CDK6: variants seen among roughly 807,000 people sequenced by gnomAD.
CDK6 encodes cyclin-dependent kinase 6.
A neutral mutation model predicts 37.1 loss-of-function variants in CDK6; 6 were observed. The ratio of observed to expected loss-of-function variants is 0.16; its 90% CI spans 0.09 to 0.32. The LOEUF is 0.32. Ranked by LOEUF, CDK6 falls within the 10% of genes least tolerant of loss-of-function variation. CDK6 has a pLI of 1.00. For synonymous variants in CDK6, 160 were observed against 161.3 expected (o/e 0.99, Z 0.06); for missense variants, 224 against 418.9 (o/e 0.53, Z 4.06).
chr7:92,810,162 A>C (rs530113530), intron 2 of CDK6, among the ~76,000 whole-genome samples: 1 of 152,322 alleles, frequency 6.6e-6, no homozygotes, highest in East Asian at 1.9e-4. Context: ...TATATCATTT[A>C]CTATCTGTCA....
chr7:92,632,277 G>A (rs1284971929), intron 5 of CDK6, among the ~76,000 whole-genome samples: 1 of 152,158 alleles, frequency 6.6e-6, no homozygotes, highest in African/African-American at 2.4e-5. Context: ...GACATTTTCT[G>A]AAATGGAAGT....
At chr7:92,737,381 A>T (rs1214733524) in intron 3 of CDK6, among the ~76,000 whole-genome samples, 5 of 152,246 alleles carry the variant, frequency 3.3e-5, no homozygotes, top group African/African-American at 1.2e-4. Context: ...CTAGGTCCTT[A>T]GAAATTATCT....
At chr7:92,645,612 T>C (rs1796429528) in intron 5 of CDK6, among the ~76,000 whole-genome samples, 1 of 152,204 alleles carries the variant, frequency 6.6e-6, no homozygotes, top group Non-Finnish European at 1.5e-5. Context: ...AAAGAGGTCT[T>C]AGGGTGAGGA....
intron 5 of CDK6, among the ~76,000 whole-genome samples, chr7:92,628,044 C>T (rs963992843): frequency 3.3e-5 from 5 of 152,054 alleles, no homozygotes; most frequent in African/African-American, 1.2e-4. Context: ...AAGTACTTGT[C>T]TGGAGACATG....
In CDK6 at chr7:92,833,735, G is replaced by A. The variant is rs182827185; in HGVS notation, c.-367-45C>T. 454 of 418,244 alleles carry A rather than the reference G, an allele frequency of 1.1e-3. 3 individuals carry two copies. The highest frequency in any genetic ancestry group is 8.8e-3 in the African/African-American group (428 of 48,840). The allele number at this position is 418,244 out of a possible 1,614,324, so 25.9% of individuals were successfully genotyped here. A position where few individuals can be genotyped will look rare whatever the true frequency, so the allele number is the denominator to read the frequency against. ...GATAAGAAGAAAGTGCAATCAGACA[G>A]CCCAGAAGCCTTCCTCGGGGTTCCT... On this transcript the variant is annotated intron_variant, in intron 1 of 7. Coordinates refer to ENST00000424848, the MANE Select transcript of CDK6 (RefSeq NM_001145306.2). This position sits in a 1 kb window ranked among gnomAD's most constrained non-coding sequence, Gnocchi z 6.1.
At chr7:92,644,828 C>T (rs992969741) in intron 5 of CDK6, among the ~76,000 whole-genome samples, 2 of 152,206 alleles carry the variant, frequency 1.3e-5, no homozygotes, top group Non-Finnish European at 2.9e-5. Flanking sequence ...AGTGGAACTC[C>T]ACAACAACTG....
intron 2 of CDK6, among the ~76,000 whole-genome samples, chr7:92,823,820 C>A (rs1323971226): frequency 6.6e-6 from 1 of 151,878 alleles, no homozygotes; most frequent in East Asian, 1.9e-4. Context: ...GCAAAGATGT[C>A]TTTTTTCAGA....
chr7:92,806,586 C>T (rs1474442464), intron 2 of CDK6, among the ~76,000 whole-genome samples: 3 of 152,306 alleles, frequency 2.0e-5, no homozygotes, highest in Admixed American at 6.5e-5. Context: ...CTTACCTATA[C>T]ATTTAAAGCA....
intron 4 of CDK6, among the ~76,000 whole-genome samples, chr7:92,696,469 C>CATATACAAAAA (rs1797721573): frequency 1.3e-5 from 2 of 151,942 alleles, no homozygotes; most frequent in African/African-American, 4.8e-5. Context: ...AAAATCTTAC[C>CATATACAAAAA]ATATATGTGT....
intron 2 of CDK6, among the ~76,000 whole-genome samples, chr7:92,828,367 G>A (rs974884685): frequency 7.2e-5 from 11 of 151,972 alleles, no homozygotes; most frequent in Non-Finnish European, 1.2e-4. Context: ...GTACTCACCC[G>A]ATTTAACTGC....
intron 4 of CDK6, among the ~76,000 whole-genome samples, chr7:92,702,764 A>G (rs1381348046): frequency 6.6e-6 from 1 of 152,192 alleles, no homozygotes; most frequent in Non-Finnish European, 1.5e-5. Context: ...CAGGTAAGTC[A>G]GCACAGTGCT....
chr7:92,681,470 A>C (rs1040961303), intron 4 of CDK6, among the ~76,000 whole-genome samples: 4 of 152,170 alleles, frequency 2.6e-5, no homozygotes, highest in Non-Finnish European at 4.4e-5. Context: ...CCTCTCCCCC[A>C]TTTTATCTAT....
chr7:92,770,317 T>C (rs1584070852), intron 3 of CDK6, among the ~76,000 whole-genome samples: 2 of 148,616 alleles, frequency 1.3e-5, no homozygotes, highest in African/African-American at 5.0e-5. Context: ...TTTCTATGTA[T>C]GCTTTTTTTT....
chr7:92,703,450 C>T lies in CDK6; in HGVS notation c.537+22176G>A, dbSNP rs1266841735. Among the ~76,000 whole-genome samples the T allele has an allele frequency of 5.9e-5, 9 of 152,306 alleles. No homozygotes were observed. In the East Asian group the frequency reaches 1.5e-3, roughly 26 times the overall value. ...TGATATGACATGTTTCATACACATA[C>T]TGCAAATCTCAAGATAGGTAAAAAT... On this transcript the variant is annotated intron_variant, in intron 4 of 7. Transcript: ENST00000424848.
intron 2 of CDK6, among the ~76,000 whole-genome samples, chr7:92,794,178 T>C (rs1311179680): frequency 2.6e-5 from 4 of 152,154 alleles, no homozygotes; most frequent in African/African-American, 7.2e-5. Context: ...GCAGAAGAAA[T>C]AGCTAACACT....
intron 5 of CDK6, among the ~76,000 whole-genome samples, chr7:92,632,497 G>A (rs754842082): frequency 2.6e-5 from 4 of 152,032 alleles, no homozygotes; most frequent in Non-Finnish European, 5.9e-5. Context: ...ATAAATAAGG[G>A]CTCTGGCCCT....
Position 92,612,468 on chromosome 7 carries a change from G to C in CDK6, c.*2672C>G. ...GTTGGATCTGGATTTCAGAAATGGC[G>C]AATCTGGACATAAAATACATAAATC... is the stretch of plus-strand genomic sequence containing the variant. On this transcript the variant is annotated 3_prime_UTR_variant, in exon 8 of 8. Coordinates refer to ENST00000424848, the MANE Select transcript of CDK6 (RefSeq NM_001145306.2). 2 of 233,064 alleles carry C rather than the reference G, an allele frequency of 8.6e-6. No individual in the cohort carries two copies. The highest frequency in any genetic ancestry group is 6.0e-5 in the East Asian group (1 of 16,532). 14.4% of individuals were successfully genotyped at this position (233,064 alleles called of 1,614,324 possible).
At chr7:92,772,131 C>T (rs1461645110) in intron 3 of CDK6, among the ~76,000 whole-genome samples, 2 of 152,148 alleles carry the variant, frequency 1.3e-5, no homozygotes, top group African/African-American at 2.4e-5. Flanking sequence ...TAAAGCATCA[C>T]AAACACTCAA....
At chr7:92,806,925 T>C (rs1037061227) in intron 2 of CDK6, among the ~76,000 whole-genome samples, 5 of 152,200 alleles carry the variant, frequency 3.3e-5, no homozygotes, top group Non-Finnish European at 7.3e-5. Context: ...ACAAGAGACA[T>C]AATACGAAGA....
Sources: gnomAD v4.1 joint callset for allele counts (sites outside exome capture counted in the v4.1 genomes callset) on GRCh38, gnomAD v4.1.1 for gene constraint, Gnocchi (gnomAD v3.1) non-coding constraint, MANE v1.5 for transcripts, NCBI Gene and HGNC (gene_info 2026-07-23, HGNC 2026-07-21) for gene names.